RBM19: variants seen among roughly 807,000 people sequenced by gnomAD.
The protein encoded by RBM19 is RNA binding motif protein 19, also known as probable RNA-binding protein 19.
In RBM19, 94 loss-of-function variants were observed where a neutral mutation model predicts 116.8. That is an observed-to-expected ratio of 0.80 (90% CI 0.68 to 0.95). The LOEUF (loss-of-function observed/expected upper bound fraction) is 0.95. Among genes scored for constraint, RBM19 ranks in the 40% least tolerant of loss-of-function variants. The pLI is 0.00. For synonymous variants in RBM19, 475 were observed against 494.1 expected, an observed-to-expected ratio of 0.96 and a Z score of 0.51; for missense variants, 1,161 against 1,220.7, an observed-to-expected ratio of 0.95 and a Z score of 0.73.
rs1417872489 is a variant in RBM19 at position 113,880,356 on chromosome 12, C to T, written c.2559-21460G>A. Among the ~76,000 whole-genome samples, 4 of 152,040 alleles carry T rather than the reference C, an allele frequency of 2.6e-5. No individual in the cohort carries two copies. The East Asian group carries it at 7.7e-4, about 29-fold the overall frequency. ...AGTACCTCCCCTACCCTCACTGGTT[C>T]CTCGTGGGTTCCATGATCCTGCCTA... On this transcript the variant is annotated intron_variant, in intron 21 of 23. Coordinates refer to ENST00000261741, the MANE Select transcript of RBM19 (RefSeq NM_016196.4).
chr12:113,870,203 T>C (rs1267375128), intron 21 of RBM19, among the ~76,000 whole-genome samples: 3 of 152,166 alleles, frequency 2.0e-5, no homozygotes, highest in Non-Finnish European at 2.9e-5. Flanking sequence ...GAAGACACAC[T>C]GTGTCGCCGG....
chr12:113,888,729 G>A (rs781086248), intron 21 of RBM19, among the ~76,000 whole-genome samples: 1 of 152,156 alleles, frequency 6.6e-6, no homozygotes, highest in Non-Finnish European at 1.5e-5. Context: ...CATTTTAGCT[G>A]TAGGCAGGGA....
chr12:113,934,890 C>A (rs974278668), intron 16 of RBM19, among the ~76,000 whole-genome samples: 1 of 152,104 alleles, frequency 6.6e-6, no homozygotes, highest in African/African-American at 2.4e-5. Context: ...TTCGAAGGAA[C>A]AGAGAGGCAG....
At chr12:113,885,867 CTTTTTTTTTT>C (rs1004711498) in intron 21 of RBM19, among the ~76,000 whole-genome samples, 6 of 125,276 alleles carry the variant, frequency 4.8e-5, no homozygotes, top group Non-Finnish European at 1.0e-4. Context: ...TCAGCTTTGC[CTTTTTTTTTT>C]TTTTTTTTTG....
chr12:113,913,636 G>A (rs1477082932), intron 21 of RBM19, among the ~76,000 whole-genome samples: 1 of 152,198 alleles, frequency 6.6e-6, no homozygotes, highest in Non-Finnish European at 1.5e-5. Context: ...GAGCAAAGAA[G>A]GTAGATGCCA....
chr12:113,833,263 A>C (rs1304820422), intron 23 of RBM19, among the ~76,000 whole-genome samples: 1 of 152,182 alleles, frequency 6.6e-6, no homozygotes, highest in Non-Finnish European at 1.5e-5. Context: ...TCCAGAAGCA[A>C]GTCTGGCTGG....
intron 15 of RBM19, 188 bp from the exon 16 acceptor site, chr12:113,937,324 C>T (rs1029690577): frequency 8.1e-6 from 5 of 619,202 alleles, no homozygotes; most frequent in African/African-American, 1.9e-5. Context: ...ATTCGGCCCC[C>T]ATGCTGCATC....
At chr12:113,852,048 C>CA (rs10570726) in intron 22 of RBM19, among the ~76,000 whole-genome samples, 1,670 of 148,726 alleles carry the variant, frequency 0.011, 23 homozygotes, top group African/African-American at 0.035. Flanking sequence ...GAGATTGTCT[C>CA]AAAAAAAAAA....
chr12:113,822,952 C>A lies in RBM19; in HGVS notation c.*272G>T, dbSNP rs562708357. ...CAAGTCTCTCTTCCTAACGTGGCTG[C>A]TCCCTTGGACTCTTCCGTGTCTGCT... On this transcript the variant is annotated 3_prime_UTR_variant, in exon 24 of 24. Transcript: ENST00000261741. The A allele has an allele frequency of 1.2e-4, 47 of 387,554 alleles. No homozygotes were observed. Among genetic ancestry groups the A allele is most frequent in the Non-Finnish European group, 7.5e-5 (16 of 213,830 alleles). The allele number at this position is 387,554 out of a possible 1,614,324, so 24.0% of individuals were successfully genotyped here.
chr12:113,819,867 G>A (rs1395798975), downstream of RBM19, among the ~76,000 whole-genome samples: 1 of 152,220 alleles, frequency 6.6e-6, no homozygotes, highest in African/African-American at 2.4e-5. Context: ...CTACCTGGCT[G>A]TACTTTACTG....
intron 21 of RBM19, among the ~76,000 whole-genome samples, chr12:113,872,499 C>T (rs576640048): frequency 7.4e-6 from 1 of 135,394 alleles, no homozygotes; most frequent in African/African-American, 2.6e-5. Context: ...GCCCGGCCAG[C>T]CGCCCCATCC....
chr12:113,823,241 G>C lies in RBM19; in HGVS notation c.2866C>G (p.Gln956Glu). ...LEGSDSDSEE[Q>E]TLQL The stretch of plus-strand genomic sequence containing the variant: ...GTGCCAGCTCACAGCTGAAGGGTCT[G>C]CTCCTCGCTGTCGCTGTCACTGCCT... The change falls in exon 24 of 24, where the codon CAG becomes GAG. Residue 956 changes from glutamine (Q) to glutamate (E), a missense_variant. Coordinates refer to ENST00000261741, the MANE Select transcript of RBM19 (RefSeq NM_016196.4). The C allele has an allele frequency of 6.2e-7, 1 of 1,611,404 alleles. No homozygotes were observed. The highest frequency in any genetic ancestry group is 1.1e-5 in the South Asian group (1 of 91,076).
At chr12:113,961,310 G>T (rs1201850488) in intron 2 of RBM19, among the ~76,000 whole-genome samples, 1 of 152,140 alleles carries the variant, frequency 6.6e-6, no homozygotes, top group Non-Finnish European at 1.5e-5. Flanking sequence ...ATAGGCAGGA[G>T]CCACCACACC....
intron 23 of RBM19, among the ~76,000 whole-genome samples, chr12:113,834,879 G>A (rs1234670376): frequency 1.3e-5 from 2 of 152,204 alleles, no homozygotes; most frequent in East Asian, 3.8e-4. Flanking sequence ...TCTTAAGGGA[G>A]CTGTGAGCCT....
At chr12:113,834,942 A>T (rs185416948) in intron 23 of RBM19, among the ~76,000 whole-genome samples, 7 of 152,328 alleles carry the variant, frequency 4.6e-5, no homozygotes, top group Admixed American at 3.3e-4. Flanking sequence ...TGCACATGGT[A>T]GGTCCATGAC....
At position 113,940,049 on chromosome 12, in the gene RBM19, G is replaced by A. The variant is rs776220591; in HGVS notation, c.1849C>T (p.Leu617=). 6.2e-7 allele frequency: 1 copy of A among 1,614,050 alleles called. No individual in the cohort carries two copies. Among genetic ancestry groups the A allele is most frequent in the Non-Finnish European group, 8.5e-7 (1 of 1,179,974 alleles). The change falls in exon 15 of 24, where the codon CTG becomes TTG. Residue 617 remains leucine (L), a synonymous_variant. Coordinates refer to ENST00000261741, the MANE Select transcript of RBM19 (RefSeq NM_016196.4). The stretch of plus-strand genomic sequence containing the variant: ...GCAGTGATTCCGCCCTCTGGCAGCA[G>A]CACGCGGCCCAGGCTGCCAAAATGG... The part of the protein sequence containing the change: ...FGHFGSLGRV[L]LPEGGITAIV...
rs73397055 is a variant in RBM19 at position 113,914,915 on chromosome 12, G to A, written c.2558+54C>T. On this transcript the variant is annotated intron_variant, in intron 21 of 23. Coordinates refer to ENST00000261741, the MANE Select transcript of RBM19 (RefSeq NM_016196.4). Reference sequence around the variant, plus strand: ...CCAAAGGCCATCTTCCCTGAGACTCGGGCAGGCTCCCCGCCCACACGCCAG... The same window carrying A: ...CCAAAGGCCATCTTCCCTGAGACTCAGGCAGGCTCCCCGCCCACACGCCAG... 21,096 of 1,493,884 alleles carry A rather than the reference G, an allele frequency of 0.014. 2,376 individuals are homozygous for A. The African/African-American group carries it at 0.25, about 18-fold the overall frequency. 92.5% of individuals were successfully genotyped at this position (1,493,884 alleles called of 1,614,324 possible).
chr12:113,942,226 G>T, intron 14 of RBM19, 98 bp downstream of exon 14: 1 of 1,019,218 alleles, frequency 9.8e-7, no homozygotes, highest in Non-Finnish European at 1.4e-6. Context: ...ATAGTCCTTA[G>T]AAGGCCAGAT....
At chr12:113,919,368 G>A (rs951324928) in intron 19 of RBM19, among the ~76,000 whole-genome samples, 12 of 152,304 alleles carry the variant, frequency 7.9e-5, no homozygotes, top group East Asian at 3.9e-4. Context: ...TCAGGAGATC[G>A]AGACCATCCT....
Sources: gnomAD v4.1 joint callset for allele counts (sites outside exome capture counted in the v4.1 genomes callset) on GRCh38, gnomAD v4.1.1 for gene constraint, MANE v1.5 for transcripts, NCBI Gene and HGNC (gene_info 2026-07-23, HGNC 2026-07-21) for gene names.